The following CELSR2 variants were observed in gnomAD, a reference collection of about 807,000 sequenced individuals.
CELSR2 encodes the protein EGF-like protein 2.
In CELSR2, 81 loss-of-function variants were observed where a neutral mutation model predicts 251.6. That is an observed-to-expected ratio of 0.32 (90% CI 0.27 to 0.39). The LOEUF (loss-of-function observed/expected upper bound fraction) is 0.39. Among genes scored for constraint, CELSR2 ranks in the 10% least tolerant of loss-of-function variants. CELSR2 has a pLI of 1.00. For synonymous variants in CELSR2, 1,721 were observed against 1,670.5 expected (o/e 1.03, Z -0.74); for missense variants, 3,365 against 3,947.7 (o/e 0.85, Z 3.96).
In CELSR2 at chr1:109,271,224, T is replaced by C; in HGVS notation, c.7604T>C (p.Val2535Ala). ...CCCTCTGCCCCTGCCTAGATGAGTG[T>C]CTTCCTGTACATCCTGGCGGCCCGG... ...GPVAFAVSMS[V>A]FLYILAARAS... Residue 2535 changes from valine (V) to alanine (A), a missense_variant, in exon 26 of 34, where the codon GTC becomes GCC. Coordinates refer to ENST00000271332, the MANE Select transcript of CELSR2 (RefSeq NM_001408.3). The C allele has an allele frequency of 2.5e-6, 4 of 1,613,910 alleles. No homozygotes were observed. Among genetic ancestry groups the C allele is most frequent in the Non-Finnish European group, 3.4e-6 (4 of 1,179,956 alleles).
chr1:109,268,263 G>T (rs1656261488), intron 17 of CELSR2, among the ~76,000 whole-genome samples: 1 of 152,200 alleles, frequency 6.6e-6, no homozygotes. Context: ...GTGTGTTGGG[G>T]CATGGTCTGA....
chr1:109,265,643 A>G, intron 13 of CELSR2, 92 bp from the exon 14 acceptor site: 1 of 1,470,536 alleles, frequency 6.8e-7, no homozygotes, highest in East Asian at 2.3e-5. Context: ...TGAGGTCGGG[A>G]CCCTCTCCAC....
In CELSR2 at chr1:109,251,672, C is replaced by T. The variant is rs144228553; in HGVS notation, c.1593C>T (p.Asp531=). ...TGGTTCTCCATGTCCAGGCTATCGA[C>T]GCTGATGCTGGTGACAATGCCCGCC... ...GYLVLHVQAI[D]ADAGDNARLE... The change falls in exon 1 of 34, where the codon GAC becomes GAT. Residue 531 remains aspartate, a synonymous_variant. Coordinates refer to ENST00000271332, the MANE Select transcript of CELSR2 (RefSeq NM_001408.3). The surrounding 1 kb of genome is among the most constrained non-coding windows in gnomAD (Gnocchi z 4.9). The T allele has an allele frequency of 1.8e-4, 290 of 1,614,096 alleles. 1 individual carries two copies. The highest frequency in any genetic ancestry group is 2.1e-4 in the Non-Finnish European group (251 of 1,180,026).
At chr1:109,266,761 T>C (rs1291213408) in intron 15 of CELSR2, among the ~76,000 whole-genome samples, 2 of 141,994 alleles carry the variant, frequency 1.4e-5, no homozygotes, top group Non-Finnish European at 3.0e-5. Context: ...CGCTCTGTCA[T>C]CAGGCTACAA....
At chr1:109,267,411 T>C (rs1656230821) in intron 15 of CELSR2, 137 bp from the exon 16 acceptor site, 5 of 706,226 alleles carry the variant, frequency 7.1e-6, no homozygotes, top group Non-Finnish European at 1.2e-5. Flanking sequence ...CCTGTCTTCC[T>C]GTTTCACCAG....
intron 1 of CELSR2, among the ~76,000 whole-genome samples, 161 bp downstream of exon 1, chr1:109,253,550 C>T (rs1358234073): frequency 1.3e-5 from 2 of 152,236 alleles, no homozygotes; most frequent in Non-Finnish European, 2.9e-5. Context: ...TGGGAAGAAG[C>T]CCCAGGAACC....
rs1655666515 is a variant in CELSR2, at chr1:109,250,843, A to T, written c.764A>T (p.His255Leu). ...EELDRETKST[H>L]VFRVTAQDHG... ...CTGGATCGTGAGACCAAGAGCACCCACGTCTTCAGGGTCACGGCGCAGGAC... is the reference window on the plus strand; with the variant it reads ...CTGGATCGTGAGACCAAGAGCACCCTCGTCTTCAGGGTCACGGCGCAGGAC... Residue 255 changes from histidine to leucine, a missense_variant, in exon 1 of 34, where the codon CAC becomes CTC. His to Leu is a moderately conservative substitution (Grantham distance 99, BLOSUM62 -3). Around this residue, in one of 5 missense-constraint regions of CELSR2, gnomAD observed 704 missense variants for 784.1 expected, o/e 0.90. Transcript: ENST00000271332. The surrounding 1 kb of genome is among the most constrained non-coding windows in gnomAD (Gnocchi z 4.4). 1 of 1,614,010 alleles carries T rather than the reference A, an allele frequency of 6.2e-7. No individual in the cohort carries two copies. The highest frequency in any genetic ancestry group is 8.5e-7 in the Non-Finnish European group (1 of 1,180,020).
In CELSR2 at chr1:109,265,265, G is replaced by A; in HGVS notation, c.5681G>A (p.Gly1894Asp). 6.2e-7 allele frequency: 1 copy of A among 1,612,936 alleles called. No homozygotes were observed. The highest frequency in any genetic ancestry group is 8.5e-7 in the Non-Finnish European group (1 of 1,179,336). ...CCATGCAACTGTGATGTCAGCAAAG[G>A]CTTTGACCCAGACTGCAACAAGACA... ...CGPCNCDVSK[G>D]FDPDCNKTSG... The change falls in exon 13 of 34, where the codon GGC (glycine) becomes GAC (aspartate). Residue 1894 changes from glycine (G) to aspartate (D), a missense_variant. By Grantham distance (94) the Gly-to-Asp change is moderately conservative. Coordinates refer to ENST00000271332, the MANE Select transcript of CELSR2 (RefSeq NM_001408.3).
At chr1:109,265,713 C>G (rs1202452630) in intron 13 of CELSR2, 22 bp from the exon 14 acceptor site, 2 of 1,597,540 alleles carry the variant, frequency 1.3e-6, no homozygotes, top group Admixed American at 3.4e-5. Context: ...GCCAGTGACA[C>G]CGTTCTTCCC....
chr1:109,254,756 C>A (rs1655797784), intron 1 of CELSR2, among the ~76,000 whole-genome samples: 1 of 152,198 alleles, frequency 6.6e-6, no homozygotes, highest in South Asian at 2.1e-4. Flanking sequence ...CTCCCTGCCC[C>A]ACCCTTCAAA....
In CELSR2 at chr1:109,252,954, C is replaced by T. The variant is rs765989048; in HGVS notation, c.2875C>T (p.Gln959Ter). Residue 959 changes from glutamine (Q) to a stop codon, truncating the protein, a stop_gained, in exon 1 of 34, where the codon CAG (glutamine) becomes TAG (stop). Transcript: ENST00000271332. LOFTEE classifies it high-confidence loss of function. The surrounding 1 kb of genome is among the most constrained non-coding windows in gnomAD (Gnocchi z 4.8). ...DEGTNAQIMY[Q>*]IVEGNIPEVF... ...AGGCACCAATGCCCAGATTATGTAC[C>T]AGATTGTGGAGGGCAACATCCCTGA... is the stretch of plus-strand genomic sequence containing the variant. The T allele has an allele frequency of 6.2e-7, 1 of 1,612,534 alleles. No individual in the cohort carries two copies. Among genetic ancestry groups the T allele is most frequent in the Non-Finnish European group, 8.5e-7 (1 of 1,179,154 alleles).
intron 33 of CELSR2, 148 bp downstream of exon 33, chr1:109,273,818 G>C: frequency 1.0e-6 from 1 of 978,858 alleles, no homozygotes; most frequent in South Asian, 1.6e-5. Context: ...ACTATGCCGT[G>C]CCCACAAACC....
At position 109,269,191 on chromosome 1, in the gene CELSR2, C is replaced by G; in HGVS notation, c.6713C>G (p.Pro2238Arg). 1 of 1,612,588 alleles carries G rather than the reference C, an allele frequency of 6.2e-7. No individual in the cohort carries two copies. The highest frequency in any genetic ancestry group is 8.5e-7 in the Non-Finnish European group (1 of 1,179,736). The stretch of plus-strand genomic sequence containing the variant: ...CTGGCACGGCGACAGCGACGGCACC[C>G]GGAGCTGAGCCAGGGTGAGGCTGTG... ...EELARRQRRH[P>R]ELSQGEAVAS... Residue 2238 changes from proline to arginine, a missense_variant, in exon 20 of 34, where the codon CCG (proline) becomes CGG (arginine). By Grantham distance (103) the Pro-to-Arg change is moderately radical. Around this residue, in one of 5 missense-constraint regions of CELSR2, gnomAD observed 2,093 missense variants for 2,382.8 expected, o/e 0.88. Coordinates refer to ENST00000271332, the MANE Select transcript of CELSR2 (RefSeq NM_001408.3). This position sits in a 1 kb window ranked among gnomAD's most constrained non-coding sequence, Gnocchi z 6.4.
chr1:109,266,880 C>A (rs1417877024), intron 15 of CELSR2, among the ~76,000 whole-genome samples: 1 of 149,820 alleles, frequency 6.7e-6, no homozygotes, highest in East Asian at 2.0e-4. Flanking sequence ...CTACCATGCC[C>A]AGCTAATTTT....
In CELSR2 at chr1:109,252,370, C is replaced by A; in HGVS notation, c.2291C>A (p.Thr764Lys). ...CCCCAGTTCCGCATCGATGCAGACA[C>A]GGGGGCTGTCACCACCCAGGCTGAG... ...SIPQFRIDAD[T>K]GAVTTQAELD... Residue 764 changes from threonine (T) to lysine (K), a missense_variant, in exon 1 of 34, where the codon ACG (threonine) becomes AAG (lysine). By Grantham distance (78) the Thr-to-Lys change is moderately conservative. Around this residue, in one of 5 missense-constraint regions of CELSR2, gnomAD observed 505 missense variants for 660.0 expected, o/e 0.77. Coordinates refer to ENST00000271332, the MANE Select transcript of CELSR2 (RefSeq NM_001408.3). The surrounding 1 kb of genome is among the most constrained non-coding windows in gnomAD (Gnocchi z 4.8). The A allele has an allele frequency of 5.0e-6, 8 of 1,613,042 alleles. No individual in the cohort carries two copies. Among genetic ancestry groups the A allele is most frequent in the Non-Finnish European group, 6.8e-6 (8 of 1,180,024 alleles).
Position 109,250,599 on chromosome 1 carries a change from A to T in CELSR2, c.520A>T (p.Asn174Tyr). ...GTCCCTGGGTGGGCGTCGGAAAAGG[A>T]ATGTAAATACAGCCCCCCAGTTCCA... Reference protein sequence around the residue: ...EESLGGRRKRNVNTAPQFQPP... With the variant: ...EESLGGRRKRYVNTAPQFQPP... Residue 174 changes from asparagine to tyrosine, a missense_variant, in exon 1 of 34, where the codon AAT becomes TAT. Coordinates refer to ENST00000271332, the MANE Select transcript of CELSR2 (RefSeq NM_001408.3). The surrounding 1 kb of genome is among the most constrained non-coding windows in gnomAD (Gnocchi z 4.4). 1.2e-6 allele frequency: 2 copies of T among 1,614,016 alleles called. No individual in the cohort carries two copies. The highest frequency in any genetic ancestry group is 1.7e-6 in the Non-Finnish European group (2 of 1,180,004).
Position 109,265,748 on chromosome 1 carries a change from GGCCCCCAGGCA to G in CELSR2, c.5747_5757del (p.Pro1916HisfsTer6). ...CTCCTTTCTCAGGAGAACCACTACCGGCCCCCAGGCAGCCCCACCTGCCTCTTGTGTGACTG... is the reference window on the plus strand; with the variant it reads ...CTCCTTTCTCAGGAGAACCACTACCGGCCCCACCTGCCTCTTGTGTGACTG... On this transcript the variant is annotated frameshift_variant, in exon 14 of 34. Coordinates refer to ENST00000271332, the MANE Select transcript of CELSR2 (RefSeq NM_001408.3). LOFTEE classifies it high-confidence loss of function. 6.2e-7 allele frequency: 1 copy of G among 1,610,746 alleles called. No individual in the cohort carries two copies. Among genetic ancestry groups the G allele is most frequent in the Non-Finnish European group, 8.5e-7 (1 of 1,177,406 alleles).
chr1:109,259,932 C>T (rs538592369), intron 2 of CELSR2, among the ~76,000 whole-genome samples: 1 of 152,146 alleles, frequency 6.6e-6, no homozygotes, highest in South Asian at 2.1e-4. Flanking sequence ...CTCAGGACAC[C>T]CCCTGCTCCC....
chr1:109,262,547 C>G (rs572309548), intron 6 of CELSR2, 103 bp downstream of exon 6: 5 of 1,471,040 alleles, frequency 3.4e-6, no homozygotes, highest in Non-Finnish European at 4.6e-6. Context: ...CCCTTTGCCT[C>G]TCTTAGCCCC....
Sources: allele counts gnomAD v4.1 joint callset (sites outside exome capture counted in the v4.1 genomes callset), GRCh38; gene constraint gnomAD v4.1.1; regional missense constraint gnomAD v4.1.1; non-coding constraint Gnocchi (gnomAD v3.1); transcripts MANE v1.5; gene names NCBI Gene and HGNC (gene_info 2026-07-23, HGNC 2026-07-21).